KIAA0319: variants seen among roughly 807,000 people sequenced by gnomAD.
KIAA0319 encodes dyslexia-associated protein KIAA0319.
KIAA0319 carries 83 observed loss-of-function variants against 108.4 expected under a neutral mutation model. The ratio of observed to expected loss-of-function variants is 0.77; its 90% CI spans 0.64 to 0.92. The LOEUF (loss-of-function observed/expected upper bound fraction) is 0.92. Ranked by LOEUF, KIAA0319 falls within the 40% of genes least tolerant of loss-of-function variation. KIAA0319 has a pLI of 0.00. For synonymous variants in KIAA0319, 484 were observed against 510.4 expected (o/e 0.95, Z 0.70); for missense variants, 1,195 against 1,322.4 (o/e 0.90, Z 1.49).
At chr6:24,580,842 A>G (rs1242064748) in intron 7 of KIAA0319, 84 bp downstream of exon 7, 4 of 801,632 alleles carry the variant, frequency 5.0e-6, no homozygotes, top group Non-Finnish European at 6.4e-6. Flanking sequence ...CTAGGTAGAT[A>G]GGTAGACAGA....
At chr6:24,567,114 T>C (rs1764004858) in intron 13 of KIAA0319, among the ~76,000 whole-genome samples, 1 of 152,178 alleles carries the variant, frequency 6.6e-6, no homozygotes, top group South Asian at 2.1e-4. Context: ...TGGGTCATTT[T>C]GTACTGGTCC....
chr6:24,551,691 G>A (rs1761534673), intron 19 of KIAA0319, among the ~76,000 whole-genome samples, 166 bp from the exon 20 acceptor site: 1 of 152,154 alleles, frequency 6.6e-6, no homozygotes. Context: ...AGCTCAGAGG[G>A]CCATTATGCA....
In KIAA0319 at chr6:24,554,577, C is replaced by T. The variant is rs1762030073; in HGVS notation, c.2912G>A (p.Gly971Glu). The T allele has an allele frequency of 1.9e-6, 3 of 1,613,934 alleles. No homozygotes were observed. Among genetic ancestry groups the T allele is most frequent in the African/African-American group, 1.3e-5 (1 of 74,916 alleles). ...GCAGATGCAAAGCCAAGTGAAACCT[C>T]CTGTTAGCACAATAAGAGTAAAAGC... Reference protein sequence around the residue: ...VLAFTLIVLTGGFTWLCICCC... With the variant: ...VLAFTLIVLTEGFTWLCICCC... Residue 971 changes from glycine to glutamate, a missense_variant, in exon 19 of 21, where the codon GGA (glycine) becomes GAA (glutamate). Physicochemically the swap from Gly to Glu is moderately conservative, Grantham distance 98. Transcript: ENST00000378214.
intron 8 of KIAA0319, 72 bp from the exon 9 acceptor site, chr6:24,578,314 T>C: frequency 3.6e-6 from 4 of 1,118,528 alleles, no homozygotes; most frequent in South Asian, 1.6e-5. Flanking sequence ...ACTTTAATTA[T>C]TGCATATTTA....
At position 24,579,409 on chromosome 6, in the gene KIAA0319, A is replaced by AT. The variant is rs1491221439; in HGVS notation, c.1372+448_1372+449insA. 8.5e-3 allele frequency among the ~76,000 whole-genome samples: 963 copies of AT among 113,902 alleles called. 32 individuals are homozygous for AT. Among genetic ancestry groups the AT allele is most frequent in the African/African-American group, 0.02 (523 of 25,656 alleles). The allele number at this position is 113,902 out of a possible 152,430, so 74.7% of individuals were successfully genotyped here. A position where few individuals can be genotyped will look rare whatever the true frequency, so the allele number is the denominator to read the frequency against. On this transcript the variant is annotated intron_variant, in intron 8 of 20. Transcript: ENST00000378214. ...TCAGGTCACGGGAGCTCCTCTATAT[A>AT]AAGATATATATATATATATATATCT...
Position 24,544,269 on chromosome 6 carries a change from T to C in KIAA0319, c.*2896A>G, listed in dbSNP as rs921715000. 1 of 152,222 alleles carries C rather than the reference T, an allele frequency of 6.6e-6. No individual in the cohort carries two copies. The highest frequency in any genetic ancestry group is 2.4e-5 in the African/African-American group (1 of 41,460). 9.4% of individuals were successfully genotyped at this position (152,222 alleles called of 1,614,324 possible). On this transcript the variant is annotated 3_prime_UTR_variant, in exon 21 of 21. Transcript: ENST00000378214. ...CTGTAGGCCACAGTTTGCTGACCTATACTCAAGGGAAATCCCTCTACCCTG... is the reference window on the plus strand; with the variant it reads ...CTGTAGGCCACAGTTTGCTGACCTACACTCAAGGGAAATCCCTCTACCCTG...
intron 3 of KIAA0319, among the ~76,000 whole-genome samples, chr6:24,591,052 A>G (rs1768389769): frequency 1.3e-5 from 2 of 152,152 alleles, no homozygotes; most frequent in Non-Finnish European, 2.9e-5. Flanking sequence ...GTTTTAGGTG[A>G]TTTCTCTAGT....
At chr6:24,622,445 G>A (rs1036878615) in intron 1 of KIAA0319, among the ~76,000 whole-genome samples, 1 of 151,892 alleles carries the variant, frequency 6.6e-6, no homozygotes, top group Non-Finnish European at 1.5e-5. Flanking sequence ...TAGTATCTTT[G>A]GAAAAATTTG....
chr6:24,566,606 T>C lies in KIAA0319; in HGVS notation c.2283A>G (p.Pro761=), dbSNP rs1344269327. 3.1e-6 allele frequency: 5 copies of C among 1,610,216 alleles called. No homozygotes were observed. The highest frequency in any genetic ancestry group is 1.1e-5 in the South Asian group (1 of 90,108). ...CTCTCTCAGTACTCACTCCAGCTGC[T>C]GGACTCTGGCCATCCCGGATCCACA... ...SYLWIRDGQS[P]AAGDVIDGSD... Residue 761 remains proline (P), a synonymous_variant, in exon 14 of 21, where the codon CCA becomes CCG. Transcript: ENST00000378214.
chr6:24,570,616 A>G (rs1391779330), intron 11 of KIAA0319, among the ~76,000 whole-genome samples: 1 of 146,970 alleles, frequency 6.8e-6, no homozygotes, highest in Admixed American at 6.8e-5. Flanking sequence ...GGTGAAAGAG[A>G]AGGAAAGGAA....
chr6:24,615,865 C>G (rs1773079509), intron 1 of KIAA0319, among the ~76,000 whole-genome samples: 1 of 152,164 alleles, frequency 6.6e-6, no homozygotes, highest in East Asian at 1.9e-4. Flanking sequence ...ACACACATCA[C>G]CCCTTCTCTA....
intron 7 of KIAA0319, 104 bp from the exon 8 acceptor site, chr6:24,580,054 C>A: frequency 1.2e-6 from 1 of 862,216 alleles, no homozygotes; most frequent in Non-Finnish European, 1.8e-6. Flanking sequence ...CATGTCCTGT[C>A]AAGAAGGTGT....
At chr6:24,576,726 G>C (rs1166162238) in intron 9 of KIAA0319, 130 bp from the exon 10 acceptor site, 2 of 714,836 alleles carry the variant, frequency 2.8e-6, no homozygotes, top group Non-Finnish European at 4.9e-6. Flanking sequence ...TCTGAGACCA[G>C]CTGGGCCATA....
intron 1 of KIAA0319, among the ~76,000 whole-genome samples, chr6:24,621,611 C>A (rs1773938651): frequency 6.6e-6 from 1 of 152,118 alleles, no homozygotes; most frequent in Admixed American, 6.6e-5. Flanking sequence ...TGTGCATGGT[C>A]TTACTGGGGG....
intron 17 of KIAA0319, among the ~76,000 whole-genome samples, chr6:24,557,334 T>C (rs1376715850): frequency 6.6e-6 from 1 of 151,972 alleles, no homozygotes; most frequent in Non-Finnish European, 1.5e-5. Context: ...AAACCCCACC[T>C]CTACTAAAAA....
intron 19 of KIAA0319, 62 bp from the exon 20 acceptor site, chr6:24,551,587 T>A: frequency 8.9e-7 from 1 of 1,120,830 alleles, no homozygotes; most frequent in Non-Finnish European, 1.4e-6. Flanking sequence ...AGCTAGGATT[T>A]AACGCACAGT....
At chr6:24,541,363 C>T (rs1211623522), downstream of KIAA0319, among the ~76,000 whole-genome samples, 1 of 152,174 alleles carries the variant, frequency 6.6e-6, no homozygotes, top group Admixed American at 6.5e-5. Flanking sequence ...GAAAACCAGT[C>T]GATTGGATTA....
chr6:24,621,823 T>C (rs959662207), intron 1 of KIAA0319, among the ~76,000 whole-genome samples: 3 of 152,334 alleles, frequency 2.0e-5, no homozygotes, highest in Admixed American at 6.5e-5. Flanking sequence ...AACAGCACTT[T>C]TGGTGACAGC....
At chr6:24,613,910 A>G (rs902954858) in intron 1 of KIAA0319, among the ~76,000 whole-genome samples, 2 of 152,204 alleles carry the variant, frequency 1.3e-5, no homozygotes, top group Admixed American at 6.5e-5. Context: ...CCAGGATTCA[A>G]CATATCCAGA....
Sources: gnomAD v4.1 joint callset for allele counts (sites outside exome capture counted in the v4.1 genomes callset) on GRCh38, gnomAD v4.1.1 for gene constraint, MANE v1.5 for transcripts, NCBI Gene and HGNC (gene_info 2026-07-23, HGNC 2026-07-21) for gene names.